The following RPTOR variants were observed in gnomAD, a reference collection of about 807,000 sequenced individuals.
RPTOR encodes the protein regulatory-associated protein of mTOR.
A neutral mutation model predicts 169.9 loss-of-function variants in RPTOR; 21 were observed. The observed-to-expected ratio is 0.12, with a 90% CI of 0.09 to 0.18. The LOEUF (loss-of-function observed/expected upper bound fraction) is 0.18, where lower values mean the gene tolerates loss of function less well. Among genes scored for constraint, RPTOR ranks in the 10% least tolerant of loss-of-function variants. RPTOR has a pLI of 1.00. For synonymous variants in RPTOR, 732 were observed against 753.2 expected, an observed-to-expected ratio of 0.97 and a Z score of 0.46; for missense variants, 1,133 against 1,855.9, an observed-to-expected ratio of 0.61 and a Z score of 7.16.
intron 20 of RPTOR, among the ~76,000 whole-genome samples, chr17:80,907,553 C>T (rs2068558976): frequency 6.6e-6 from 1 of 152,254 alleles, no homozygotes; most frequent in African/African-American, 2.4e-5. Flanking sequence ...GCGTGGACAA[C>T]AGTTCGGCAA....
intron 1 of RPTOR, among the ~76,000 whole-genome samples, chr17:80,592,238 C>T (rs1409464547): frequency 1.3e-5 from 2 of 152,168 alleles, no homozygotes; most frequent in Non-Finnish European, 2.9e-5. Flanking sequence ...GAGGCCTAGA[C>T]TAAATTGTGT....
intron 3 of RPTOR, among the ~76,000 whole-genome samples, chr17:80,700,766 G>A (rs1567864754): frequency 5.6e-5 from 8 of 142,896 alleles, no homozygotes; most frequent in Non-Finnish European, 9.5e-5. Flanking sequence ...GATGGTGATG[G>A]TGATGGTAGA....
chr17:80,744,811 T>C lies in RPTOR; in HGVS notation c.655-9199T>C, dbSNP rs202107428. On this transcript the variant is annotated intron_variant, in intron 5 of 33. Transcript: ENST00000306801. Reference sequence around the variant, plus strand: ...AGCACAGCCCTGGCTACTAGCACTGTCCTGGCTACTAGCACAGCCCTGGTT... The same window carrying C: ...AGCACAGCCCTGGCTACTAGCACTGCCCTGGCTACTAGCACAGCCCTGGTT... Among the ~76,000 whole-genome samples, 21 of 25,786 alleles carry C rather than the reference T, an allele frequency of 8.1e-4. No homozygotes were observed. The East Asian group carries it at 0.012, about 15-fold the overall frequency. 16.9% of individuals were successfully genotyped at this position (25,786 alleles called of 152,430 possible). A position where few individuals can be genotyped will look rare whatever the true frequency, so the allele number is the denominator to read the frequency against.
intron 1 of RPTOR, among the ~76,000 whole-genome samples, chr17:80,619,576 T>C (rs1046370435): frequency 1.3e-5 from 2 of 152,176 alleles, no homozygotes; most frequent in African/African-American, 2.4e-5. Flanking sequence ...CTGCAGGCCC[T>C]GTGTGCAATT....
chr17:80,905,001 T>A (rs2068522577), intron 20 of RPTOR, among the ~76,000 whole-genome samples: 1 of 152,036 alleles, frequency 6.6e-6, no homozygotes, highest in South Asian at 2.1e-4. Context: ...AACAATAGCG[T>A]TGGCCCTCGG....
chr17:80,699,626 G>A (rs1322795832), intron 3 of RPTOR, among the ~76,000 whole-genome samples: 3 of 113,346 alleles, frequency 2.6e-5, no homozygotes, highest in Non-Finnish European at 5.2e-5. Flanking sequence ...TAGAGGTGCT[G>A]TGCACGGTAC....
chr17:80,866,833 G>C (rs1052850854), intron 13 of RPTOR, among the ~76,000 whole-genome samples: 12 of 152,078 alleles, frequency 7.9e-5, no homozygotes, highest in Non-Finnish European at 7.4e-5. Flanking sequence ...TTCCACCTTG[G>C]CCTCCCAAAG....
intron 1 of RPTOR, among the ~76,000 whole-genome samples, chr17:80,575,103 T>TGAA (rs2064950243): frequency 6.6e-6 from 1 of 152,210 alleles, no homozygotes; most frequent in African/African-American, 2.4e-5. Flanking sequence ...TTGTCTTTTC[T>TGAA]AGTGTATGCA....
intron 7 of RPTOR, among the ~76,000 whole-genome samples, chr17:80,794,816 C>T (rs954742169): frequency 1.3e-5 from 2 of 152,170 alleles, no homozygotes; most frequent in Non-Finnish European, 2.9e-5. Context: ...CCAAGGGTGG[C>T]GCATGGTCCG....
In RPTOR at chr17:80,891,734, T is replaced by A. The variant is rs1441055674; in HGVS notation, c.1998T>A (p.Ala666=). 1 of 1,613,446 alleles carries A rather than the reference T, an allele frequency of 6.2e-7. No individual in the cohort carries two copies. The highest frequency in any genetic ancestry group is 1.7e-5 in the Admixed American group (1 of 60,008). Reference sequence around the variant, plus strand: ...CCTCTCGGCAGGAGCTGGTGGTGGCTCTGAGTCATCTTGTGGTTCAGTATG... The same window carrying A: ...CCTCTCGGCAGGAGCTGGTGGTGGCACTGAGTCATCTTGTGGTTCAGTATG... ...SPMVRKELVV[A]LSHLVVQYES... is the part of the protein sequence containing the mutation. Residue 666 remains alanine (A), a synonymous_variant, in exon 18 of 34, where the codon GCT becomes GCA. Transcript: ENST00000306801.
At position 80,646,473 on chromosome 17, in the gene RPTOR, G is replaced by C. The variant is rs957234399; in HGVS notation, c.348+2663G>C. On this transcript the variant is annotated intron_variant, in intron 3 of 33. Transcript: ENST00000306801. This position sits in a 1 kb window ranked among gnomAD's most constrained non-coding sequence, Gnocchi z 5.0. ...GGGAGGGAGGCCTGGCATAGATAGC[G>C]TGGCTCTCAGTGTGGGGCAGACCTC... is the stretch of plus-strand genomic sequence containing the variant. Among the ~76,000 whole-genome samples, 1 of 152,200 alleles carries C rather than the reference G, an allele frequency of 6.6e-6. No homozygotes were observed. The highest frequency in any genetic ancestry group is 2.4e-5 in the African/African-American group (1 of 41,440).
chr17:80,773,733 T>A, intron 6 of RPTOR: 1 of 965,006 alleles, frequency 1.0e-6, no homozygotes, highest in African/African-American at 1.8e-5. Flanking sequence ...GGCAGGCGCT[T>A]GGGCAGGCTG....
chr17:80,961,755 T>A, intron 31 of RPTOR: 1 of 418,566 alleles, frequency 2.4e-6, no homozygotes, highest in Non-Finnish European at 4.3e-6. Context: ...GTTGGGCAGC[T>A]GCTCTCCCTC....
In RPTOR at chr17:80,850,262, T is replaced by A. The variant is rs187920065; in HGVS notation, c.1314+3688T>A. ...CTGTTATTCCACCTGTGTGTCCCTG[T>A]GGACCCGTTGTTTAGCTCCCACTCA... On this transcript the variant is annotated intron_variant, in intron 11 of 33. Coordinates refer to ENST00000306801, the MANE Select transcript of RPTOR (RefSeq NM_020761.3). 8.5e-5 allele frequency among the ~76,000 whole-genome samples: 13 copies of A among 152,360 alleles called. No homozygotes were observed. In the East Asian group the frequency reaches 2.5e-3, roughly 29 times the overall value.
intron 10 of RPTOR, among the ~76,000 whole-genome samples, chr17:80,843,681 G>A (rs1012582716): frequency 6.6e-6 from 1 of 152,110 alleles, no homozygotes; most frequent in African/African-American, 2.4e-5. Flanking sequence ...CAAGCTTGTC[G>A]TAAGTGGCAA....
chr17:80,738,099 G>T (rs952530781), intron 5 of RPTOR, among the ~76,000 whole-genome samples: 1 of 152,196 alleles, frequency 6.6e-6, no homozygotes, highest in East Asian at 1.9e-4. Context: ...CGGGAGAAAT[G>T]GGGGGAAACA....
chr17:80,645,930 G>C (rs1279312113), intron 3 of RPTOR, among the ~76,000 whole-genome samples: 3 of 152,288 alleles, frequency 2.0e-5, no homozygotes, highest in African/African-American at 7.2e-5. Flanking sequence ...TGTTAAAGTT[G>C]GCCAGATTTC....
At chr17:80,872,749 G>A (rs368433935) in intron 13 of RPTOR, among the ~76,000 whole-genome samples, 3 of 152,362 alleles carry the variant, frequency 2.0e-5, no homozygotes, top group South Asian at 4.1e-4. Context: ...AGCCCTGGCA[G>A]GGGTGACGGC....
At chr17:80,899,315 A>G (rs2068446346) in intron 20 of RPTOR, among the ~76,000 whole-genome samples, 1 of 152,234 alleles carries the variant, frequency 6.6e-6, no homozygotes, top group African/African-American at 2.4e-5. Context: ...TGTTACATAT[A>G]GTGGTTAGGT....
Sources: allele counts gnomAD v4.1 joint callset (sites outside exome capture counted in the v4.1 genomes callset), GRCh38; gene constraint gnomAD v4.1.1; non-coding constraint Gnocchi (gnomAD v3.1); transcripts MANE v1.5; gene names NCBI Gene and HGNC (gene_info 2026-07-23, HGNC 2026-07-21).